RIMS1: variants seen among roughly 807,000 people sequenced by gnomAD.
RIMS1 encodes the protein regulating synaptic membrane exocytosis protein 1.
Under a neutral mutation model 214.1 loss-of-function variants are expected in RIMS1, and 83 were observed. That is an observed-to-expected ratio of 0.39 (90% CI 0.32 to 0.47). The LOEUF (loss-of-function observed/expected upper bound fraction) is 0.47. Among genes scored for constraint, RIMS1 ranks in the 20% least tolerant of loss-of-function variants. RIMS1 has a pLI of 0.99. For missense variants in RIMS1, 2,050 were observed against 2,161.8 expected (o/e 0.95, Z 1.03); for synonymous variants, 793 against 786.8 (o/e 1.01, Z -0.13).
At chr6:71,946,777 A>C (rs1023319733) in intron 1 of RIMS1, among the ~76,000 whole-genome samples, 6 of 152,138 alleles carry the variant, frequency 3.9e-5, no homozygotes, top group African/African-American at 1.4e-4. Flanking sequence ...GCAAAAAAAA[A>C]ATAGACAAGT....
chr6:72,279,972 T>C (rs1219069660), intron 23 of RIMS1, among the ~76,000 whole-genome samples: 7 of 151,992 alleles, frequency 4.6e-5, no homozygotes, highest in African/African-American at 1.4e-4. Flanking sequence ...TTATGTATTA[T>C]TCAGTAAACC....
At chr6:72,176,605 C>T (rs2047741941) in intron 4 of RIMS1, among the ~76,000 whole-genome samples, 1 of 151,896 alleles carries the variant, frequency 6.6e-6, no homozygotes, top group Admixed American at 6.6e-5. Flanking sequence ...ATTTTACTTT[C>T]AGTTTGGAGG....
At chr6:71,965,517 G>A (rs539286911) in intron 1 of RIMS1, among the ~76,000 whole-genome samples, 16 of 152,322 alleles carry the variant, frequency 1.1e-4, no homozygotes, top group Admixed American at 7.8e-4. Flanking sequence ...TTTCTCCCGT[G>A]TGTACGTGCA....
intron 10 of RIMS1, among the ~76,000 whole-genome samples, chr6:72,243,496 A>G: frequency 6.6e-6 from 1 of 151,812 alleles, no homozygotes; most frequent in East Asian, 1.9e-4. Context: ...ACAATACTAC[A>G]ATTTATGCTA....
At chr6:71,946,056 G>T (rs994675694) in intron 1 of RIMS1, among the ~76,000 whole-genome samples, 1 of 148,718 alleles carries the variant, frequency 6.7e-6, no homozygotes, top group African/African-American at 2.5e-5. Context: ...AAAATAATCC[G>T]ATCTACACTT....
At chr6:72,038,387 C>A (rs1280839886) in intron 2 of RIMS1, among the ~76,000 whole-genome samples, 2 of 151,600 alleles carry the variant, frequency 1.3e-5, no homozygotes, top group Non-Finnish European at 2.9e-5. Flanking sequence ...TATTCAAAAT[C>A]TTTGGGAAAA....
chr6:71,936,888 T>C (rs182480688), intron 1 of RIMS1, among the ~76,000 whole-genome samples: 64 of 152,186 alleles, frequency 4.2e-4, no homozygotes, highest in Admixed American at 2.0e-3. Context: ...AACCATCAGC[T>C]GAACAGTGGT....
chr6:72,217,336 T>A lies in RIMS1; in HGVS notation c.1679-16437T>A, dbSNP rs550968036. The A allele has an allele frequency of 2.3e-5, 27 of 1,157,750 alleles. No individual in the cohort carries two copies. The East Asian group carries it at 6.8e-4, about 29-fold the overall frequency. The allele number at this position is 1,157,750 out of a possible 1,614,324, so 71.7% of individuals were successfully genotyped here. ...AAGAGTAAGATACTAAAATGTTTCA[T>A]TTAGATTCTATCAGTAGAGAATAAG... On this transcript the variant is annotated intron_variant, in intron 6 of 33. Transcript: ENST00000521978.
At chr6:72,352,486 G>T (rs931699746) in intron 29 of RIMS1, among the ~76,000 whole-genome samples, 1 of 152,124 alleles carries the variant, frequency 6.6e-6, no homozygotes, top group Non-Finnish European at 1.5e-5. Context: ...TCATCCTCAA[G>T]TAATTTGATA....
intron 1 of RIMS1, among the ~76,000 whole-genome samples, chr6:71,960,561 G>A (rs753651426): frequency 9.2e-5 from 14 of 152,086 alleles, no homozygotes; most frequent in East Asian, 3.8e-4. Context: ...GTCATGGGTC[G>A]TGGAACAAAA....
At chr6:71,916,663 A>T (rs1778518782) in intron 1 of RIMS1, among the ~76,000 whole-genome samples, 1 of 152,114 alleles carries the variant, frequency 6.6e-6, no homozygotes, top group African/African-American at 2.4e-5. Context: ...AGCGAACCGG[A>T]ATACTTTTTT....
intron 4 of RIMS1, among the ~76,000 whole-genome samples, chr6:72,159,514 T>C (rs113955464): frequency 0.16 from 22,136 of 140,598 alleles, 5,378 homozygotes; most frequent in South Asian, 0.24. Flanking sequence ...AGGGTTTTTA[T>C]GGTTCTAGGT....
Position 72,090,522 on chromosome 6 carries a change from T to C in RIMS1, c.246-6427T>C, listed in dbSNP as rs532419833. Reference sequence around the variant, plus strand: ...GTACAAACATCATTAAAAAAAAAAATAGTGACCCTTGAAATTTTGCAAACT... The same window carrying C: ...GTACAAACATCATTAAAAAAAAAAACAGTGACCCTTGAAATTTTGCAAACT... On this transcript the variant is annotated intron_variant, in intron 2 of 33. Coordinates refer to ENST00000521978, the MANE Select transcript of RIMS1 (RefSeq NM_014989.7). Among the ~76,000 whole-genome samples the C allele has an allele frequency of 2.6e-5, 4 of 151,030 alleles. No homozygotes were observed. The South Asian group carries it at 6.3e-4, about 24-fold the overall frequency.
At chr6:72,117,045 C>T (rs922480405) in intron 4 of RIMS1, among the ~76,000 whole-genome samples, 1 of 151,900 alleles carries the variant, frequency 6.6e-6, no homozygotes, top group African/African-American at 2.4e-5. Context: ...TTGATTTGCT[C>T]TATGCTTGTC....
intron 2 of RIMS1, among the ~76,000 whole-genome samples, chr6:71,986,812 C>T (rs1289594075): frequency 2.6e-5 from 4 of 152,214 alleles, no homozygotes; most frequent in Admixed American, 2.6e-4. Flanking sequence ...TTGGAATGGG[C>T]AATAGCCCAA....
chr6:72,339,902 C>T (rs1315765280), intron 29 of RIMS1, among the ~76,000 whole-genome samples: 176 of 152,034 alleles, frequency 1.2e-3, no homozygotes, highest in African/African-American at 3.9e-3. Context: ...GTCCCACCAA[C>T]AGTGTAAAAG....
chr6:72,196,779 T>C (rs186205536), intron 6 of RIMS1, among the ~76,000 whole-genome samples: 1 of 151,896 alleles, frequency 6.6e-6, no homozygotes. Flanking sequence ...ATAGCGTGCT[T>C]TTCCACATAA....
intron 29 of RIMS1, among the ~76,000 whole-genome samples, chr6:72,342,834 AT>A (rs922112478): frequency 1.3e-5 from 2 of 151,748 alleles, no homozygotes; most frequent in African/African-American, 4.8e-5. Flanking sequence ...GAGAAGGTTG[AT>A]TTTTTTCCTT....
intron 29 of RIMS1, among the ~76,000 whole-genome samples, chr6:72,387,610 AGT>A (rs1463296206): frequency 6.6e-6 from 1 of 152,224 alleles, no homozygotes; most frequent in African/African-American, 2.4e-5. Context: ...GCCTTCGGTA[AGT>A]GTGCACGTTC....
Sources: gnomAD v4.1 joint callset for allele counts (sites outside exome capture counted in the v4.1 genomes callset) on GRCh38, gnomAD v4.1.1 for gene constraint, MANE v1.5 for transcripts, NCBI Gene and HGNC (gene_info 2026-07-23, HGNC 2026-07-21) for gene names.